The following GPC3 variants were observed in gnomAD, a reference collection of about 807,000 sequenced individuals.
GPC3 encodes the protein glypican-3.
A neutral mutation model predicts 34.4 loss-of-function variants in GPC3; 3 were observed. The ratio of observed to expected loss-of-function variants is 0.09; its 90% CI spans 0.04 to 0.23. The LOEUF (loss-of-function observed/expected upper bound fraction) is 0.23. Among genes scored for constraint, GPC3 ranks in the 10% least tolerant of loss-of-function variants. GPC3 has a pLI of 1.00. For missense variants in GPC3, 351 were observed against 445.6 expected, an observed-to-expected ratio of 0.79 and a Z score of 1.91; for synonymous variants, 177 against 174.0, an observed-to-expected ratio of 1.02 and a Z score of -0.13.
intron 2 of GPC3, among the ~76,000 whole-genome samples, chrX:133,760,970 AT>A (rs1395109282): frequency 1.7e-4 from 18 of 108,402 alleles, no homozygotes; most frequent in East Asian, 8.6e-4. Flanking sequence ...AATCTTTTAA[AT>A]TTTTTTTTTT....
chrX:133,594,861 GT>G (rs369329335), intron 7 of GPC3, among the ~76,000 whole-genome samples: 6,527 of 103,929 alleles, frequency 0.063, 534 homozygotes, highest in African/African-American at 0.21. Flanking sequence ...TTCCATGTTA[GT>G]TTTTTTTTTT....
intron 2 of GPC3, among the ~76,000 whole-genome samples, chrX:133,768,090 T>C (rs1036452334): frequency 2.7e-5 from 3 of 110,969 alleles, no homozygotes; most frequent in African/African-American, 9.9e-5. Flanking sequence ...TTTCCCCCAG[T>C]TGTCTTACAA....
At chrX:133,657,571 T>A (rs1200502252) in intron 6 of GPC3, among the ~76,000 whole-genome samples, 1 of 111,357 alleles carries the variant, frequency 9.0e-6, no homozygotes, top group African/African-American at 3.3e-5. Context: ...AAGGTCCTCA[T>A]TTCTGATCGT....
At chrX:133,693,156 AGTGTGT>A (rs57735935) in intron 4 of GPC3, among the ~76,000 whole-genome samples, 16,049 of 89,192 alleles carry the variant, frequency 0.18, 1,579 homozygotes, top group African/African-American at 0.34. Context: ...TAATAAGACA[AGTGTGT>A]GTGTGTGTGT....
At chrX:133,903,514 G>A (rs986867922) in intron 2 of GPC3, among the ~76,000 whole-genome samples, 6 of 111,702 alleles carry the variant, frequency 5.4e-5, no homozygotes, top group African/African-American at 1.3e-4. Context: ...GCTTGAACCC[G>A]GGAGGCGGAA....
At chrX:133,903,576 C>T (rs975699980) in intron 2 of GPC3, among the ~76,000 whole-genome samples, 1 of 111,886 alleles carries the variant, frequency 8.9e-6, no homozygotes, top group Non-Finnish European at 1.9e-5. Context: ...GCGACAAGAG[C>T]GAAACTCTGT....
intron 2 of GPC3, among the ~76,000 whole-genome samples, chrX:133,826,575 A>G (rs1569441000): frequency 9.0e-6 from 1 of 111,347 alleles, no homozygotes; most frequent in African/African-American, 3.3e-5. Flanking sequence ...CAACAAAAAC[A>G]TAATTGTTGT....
At chrX:133,840,618 TTCATCACCATCA>T (rs1309344096) in intron 2 of GPC3, among the ~76,000 whole-genome samples, 3 of 110,560 alleles carry the variant, frequency 2.7e-5, no homozygotes, top group African/African-American at 6.6e-5. Flanking sequence ...CATCATCATC[TTCATCACCATCA>T]TCATCACCAT....
intron 1 of GPC3, among the ~76,000 whole-genome samples, chrX:133,955,350 A>G (rs184611780): frequency 2.8e-4 from 31 of 109,928 alleles, no homozygotes; most frequent in African/African-American, 9.6e-4. Context: ...CTCCTACTCA[A>G]CCTTCCTTCC....
chrX:133,542,851 C>T (rs1250805610), intron 7 of GPC3, among the ~76,000 whole-genome samples: 1 of 111,858 alleles, frequency 8.9e-6, no homozygotes, highest in Non-Finnish European at 1.9e-5. Flanking sequence ...CTCTGCCATT[C>T]GCTCTTGAAT....
At chrX:133,927,278 T>C (rs1278815861) in intron 2 of GPC3, among the ~76,000 whole-genome samples, 1 of 110,051 alleles carries the variant, frequency 9.1e-6, no homozygotes, top group African/African-American at 3.3e-5. Flanking sequence ...ATGTATAAAG[T>C]GAAAAGGTAT....
chrX:133,556,923 T>A (rs1290231156), intron 7 of GPC3, among the ~76,000 whole-genome samples: 3 of 106,022 alleles, frequency 2.8e-5, no homozygotes, highest in Admixed American at 1.0e-4. Flanking sequence ...AAGTATAATT[T>A]AAAAAAAAAA....
chrX:133,795,765 G>T (rs2075575465), intron 2 of GPC3, among the ~76,000 whole-genome samples: 1 of 106,037 alleles, frequency 9.4e-6, no homozygotes, highest in African/African-American at 3.3e-5. Flanking sequence ...TAGGAAAAAT[G>T]GTGGACTGGC....
At chrX:133,644,868 C>G (rs1336008067) in intron 6 of GPC3, among the ~76,000 whole-genome samples, 1 of 110,869 alleles carries the variant, frequency 9.0e-6, no homozygotes, top group African/African-American at 3.3e-5. Context: ...GCAACCTCCG[C>G]CTCCCAGGTT....
chrX:133,896,389 A>G (rs1250939840), intron 2 of GPC3, among the ~76,000 whole-genome samples: 12 of 110,502 alleles, frequency 1.1e-4, no homozygotes, highest in Non-Finnish European at 2.1e-4. Context: ...AAAGAAAAAG[A>G]AAGGAAACAT....
chrX:133,859,080 CAAA>C (rs561711766), intron 2 of GPC3, among the ~76,000 whole-genome samples: 1 of 40,741 alleles, frequency 2.5e-5, no homozygotes, highest in African/African-American at 9.2e-5. Flanking sequence ...GACTCTGTCT[CAAA>C]AAAAAAAAAA....
chrX:133,755,829 G>T (rs2071721980), intron 2 of GPC3, among the ~76,000 whole-genome samples: 1 of 112,249 alleles, frequency 8.9e-6, no homozygotes, highest in African/African-American at 3.2e-5. Flanking sequence ...CTCAATCCTT[G>T]TTTTCTAAAA....
chrX:133,916,755 T>A (rs913171563), intron 2 of GPC3, among the ~76,000 whole-genome samples: 1 of 111,225 alleles, frequency 9.0e-6, no homozygotes, highest in African/African-American at 3.3e-5. Context: ...GGCACATGCC[T>A]GTAGTCCCAG....
At chrX:133,596,353 G>C in intron 7 of GPC3, 87 bp downstream of exon 7, 1 of 789,424 alleles carries the variant, frequency 1.3e-6, no homozygotes, top group Non-Finnish European at 2.0e-6. Context: ...GGAATGTAAG[G>C]GAATTGCAGA....
Sources: gnomAD v4.1 joint callset for allele counts (sites outside exome capture counted in the v4.1 genomes callset) on GRCh38, gnomAD v4.1.1 for gene constraint, MANE v1.5 for transcripts, NCBI Gene and HGNC (gene_info 2026-07-23, HGNC 2026-07-21) for gene names.